SYNPO2: variants seen among roughly 807,000 people sequenced by gnomAD.
SYNPO2 encodes the protein synaptopodin-2.
A neutral mutation model predicts 85.0 loss-of-function variants in SYNPO2; 56 were observed. The observed-to-expected ratio is 0.66, with a 90% confidence interval of 0.53 to 0.82. SYNPO2 has a LOEUF of 0.82. SYNPO2 is among the 40% of genes least tolerant of loss of function. The pLI is 0.00. For missense variants in SYNPO2, 1,575 were observed against 1,534.2 expected, an observed-to-expected ratio of 1.03 and a Z score of -0.44; for synonymous variants, 602 against 591.1, an observed-to-expected ratio of 1.02 and a Z score of -0.27.
intron 1 of SYNPO2, among the ~76,000 whole-genome samples, chr4:118,989,846 C>T (rs1736344285): frequency 6.6e-6 from 1 of 152,216 alleles, no homozygotes; most frequent in South Asian, 2.1e-4. Context: ...AAGGAGACAA[C>T]ACCAAGAGTC....
At chr4:118,856,399 A>G (rs1731507007) in intron 1 of SYNPO2, among the ~76,000 whole-genome samples, 1 of 152,220 alleles carries the variant, frequency 6.6e-6, no homozygotes, top group Non-Finnish European at 1.5e-5. Flanking sequence ...TATAAAACCT[A>G]ACAGAGGATA....
chr4:118,896,964 A>C (rs1468221010), intron 1 of SYNPO2, among the ~76,000 whole-genome samples: 1 of 152,166 alleles, frequency 6.6e-6, no homozygotes, highest in African/African-American at 2.4e-5. Flanking sequence ...ATTGATAAAA[A>C]AAAAAAATGA....
At chr4:118,972,115 A>G (rs948476366) in intron 1 of SYNPO2, among the ~76,000 whole-genome samples, 1 of 152,178 alleles carries the variant, frequency 6.6e-6, no homozygotes, top group Non-Finnish European at 1.5e-5. Context: ...TAAAAGAAAG[A>G]GAGGAGACAG....
intron 1 of SYNPO2, among the ~76,000 whole-genome samples, chr4:119,000,171 T>A (rs1387571635): frequency 6.6e-6 from 1 of 152,126 alleles, no homozygotes; most frequent in African/African-American, 2.4e-5. Flanking sequence ...ACTATCAATC[T>A]TTTTCCACCA....
intron 1 of SYNPO2, among the ~76,000 whole-genome samples, chr4:119,001,137 A>C (rs552033722): frequency 2.4e-4 from 37 of 152,312 alleles, no homozygotes; most frequent in African/African-American, 8.7e-4. Flanking sequence ...TGCCATTAAC[A>C]TGTGTCTAAT....
intron 1 of SYNPO2, among the ~76,000 whole-genome samples, chr4:118,969,776 T>G (rs955081306): frequency 1.3e-5 from 2 of 152,074 alleles, no homozygotes; most frequent in African/African-American, 4.8e-5. Context: ...ACAAGGTTTT[T>G]TTTTTTTTTG....
rs907562033 is a variant in SYNPO2, at chr4:118,947,589, G to A, written c.105+58448G>A. Among the ~76,000 whole-genome samples the A allele has an allele frequency of 4.6e-5, 7 of 152,090 alleles. No individual in the cohort carries two copies. The East Asian group carries it at 5.8e-4, about 13-fold the overall frequency. On this transcript the variant is annotated intron_variant, in intron 1 of 4. Coordinates refer to ENST00000307142, the MANE Select transcript of SYNPO2 (RefSeq NM_133477.3). ...CTTCAGCCCTCTTCCTCTCCCTGTC[G>A]GGGCAGAATTGGTATAATATTAATA...
chr4:118,983,105 T>C lies in SYNPO2; in HGVS notation c.106-40325T>C, dbSNP rs114604916. Among the ~76,000 whole-genome samples, 858 of 152,326 alleles carry C rather than the reference T, an allele frequency of 5.6e-3. 14 individuals are homozygous for C. Among genetic ancestry groups the C allele is most frequent in the Middle Eastern group, 0.01 (3 of 294 alleles). ...AACTCATGGAACACAGAGGTAATCTTGGCTACTTTGCAGAGATGGCCAAGG... is the reference window on the plus strand; with the variant it reads ...AACTCATGGAACACAGAGGTAATCTCGGCTACTTTGCAGAGATGGCCAAGG... On this transcript the variant is annotated intron_variant, in intron 1 of 4. Transcript: ENST00000307142.
intron 1 of SYNPO2, among the ~76,000 whole-genome samples, chr4:118,948,296 T>C (rs1734573327): frequency 1.3e-5 from 2 of 152,176 alleles, no homozygotes; most frequent in African/African-American, 2.4e-5. Flanking sequence ...GACTAAAATG[T>C]CCATTTTCTT....
Position 119,031,774 on chromosome 4 carries a change from T to C in SYNPO2, c.2999T>C (p.Leu1000Pro). Reference sequence around the variant, plus strand: ...TCATCAGTCAAGGTCAATTCAGCCCTGGCCATGAAGCAAGCTCTTCCTCCC... The same window carrying C: ...TCATCAGTCAAGGTCAATTCAGCCCCGGCCATGAAGCAAGCTCTTCCTCCC... The part of the protein sequence containing the change: ...QKSSVKVNSA[L>P]AMKQALPPRP... Residue 1000 changes from leucine to proline, a missense_variant, in exon 4 of 5, where the codon CTG becomes CCG. Coordinates refer to ENST00000307142, the MANE Select transcript of SYNPO2 (RefSeq NM_133477.3). 6.2e-7 allele frequency: 1 copy of C among 1,614,214 alleles called. No homozygotes were observed. Among genetic ancestry groups the C allele is most frequent in the Non-Finnish European group, 8.5e-7 (1 of 1,180,022 alleles).
intron 1 of SYNPO2, among the ~76,000 whole-genome samples, chr4:118,861,787 T>C (rs1338381779): frequency 6.6e-6 from 1 of 152,160 alleles, no homozygotes; most frequent in Non-Finnish European, 1.5e-5. Flanking sequence ...ATTCCTCCAG[T>C]TTTGTTCTTT....
At chr4:119,011,920 C>CTTTTTTTTT (rs548974684) in intron 1 of SYNPO2, among the ~76,000 whole-genome samples, 1 of 109,626 alleles carries the variant, frequency 9.1e-6, no homozygotes, top group Non-Finnish European at 1.8e-5. Context: ...TTTCTATAGA[C>CTTTTTTTTT]TTTTTTTTTT....
At chr4:118,960,562 C>A (rs1448422829) in intron 1 of SYNPO2, among the ~76,000 whole-genome samples, 1 of 152,088 alleles carries the variant, frequency 6.6e-6, no homozygotes, top group Non-Finnish European at 1.5e-5. Flanking sequence ...CTAGGGGACT[C>A]ATTAATTTAA....
chr4:118,859,093 A>G (rs1731562343), intron 1 of SYNPO2, among the ~76,000 whole-genome samples: 1 of 152,222 alleles, frequency 6.6e-6, no homozygotes, highest in Non-Finnish European at 1.5e-5. Flanking sequence ...AGATGAGTCT[A>G]GGCTTTTATC....
intron 1 of SYNPO2, among the ~76,000 whole-genome samples, chr4:118,945,154 T>A (rs1734453596): frequency 6.6e-6 from 1 of 152,236 alleles, no homozygotes; most frequent in Admixed American, 6.5e-5. Flanking sequence ...TACCAAAAGT[T>A]CCTAGAATAG....
At chr4:118,982,703 C>T (rs1014392408) in intron 1 of SYNPO2, among the ~76,000 whole-genome samples, 4 of 152,188 alleles carry the variant, frequency 2.6e-5, no homozygotes, top group African/African-American at 9.7e-5. Flanking sequence ...TTTAAGTTCT[C>T]TTTCCAAATA....
At position 119,031,565 on chromosome 4, in the gene SYNPO2, G is replaced by T; in HGVS notation, c.2790G>T (p.Ser930=). The change falls in exon 4 of 5, where the codon TCG becomes TCT. Residue 930 remains serine (S), a synonymous_variant. Transcript: ENST00000307142. ...CTGTGGCCTATAATCCTATCCACTC[G>T]CCGTCTTACCCACTGGCTGCTCTCA... is the stretch of plus-strand genomic sequence containing the variant. The part of the protein sequence containing the change: ...PPPVAYNPIH[S]PSYPLAALKS... The T allele has an allele frequency of 6.2e-7, 1 of 1,613,992 alleles. No homozygotes were observed. Among genetic ancestry groups the T allele is most frequent in the Non-Finnish European group, 8.5e-7 (1 of 1,180,008 alleles).
chr4:118,929,146 A>C (rs1024209056), intron 1 of SYNPO2, among the ~76,000 whole-genome samples: 1 of 152,110 alleles, frequency 6.6e-6, no homozygotes, highest in Non-Finnish European at 1.5e-5. Context: ...GGATGGAGGA[A>C]AGAAAGGTAA....
At chr4:119,049,787 G>T (rs148029303) in intron 4 of SYNPO2, among the ~76,000 whole-genome samples, 1 of 152,150 alleles carries the variant, frequency 6.6e-6, no homozygotes, top group Non-Finnish European at 1.5e-5. Flanking sequence ...AGCTGAGAAA[G>T]GCCCTCAGCT....
Sources: allele counts gnomAD v4.1 joint callset (sites outside exome capture counted in the v4.1 genomes callset), GRCh38; gene constraint gnomAD v4.1.1; transcripts MANE v1.5; gene names NCBI Gene and HGNC (gene_info 2026-07-23, HGNC 2026-07-21).